FANCC: variants seen among roughly 807,000 people sequenced by gnomAD.
The protein encoded by FANCC is FA complementation group C, also known as Fanconi anemia group C protein.
Under a neutral mutation model 71.3 loss-of-function variants are expected in FANCC, and 55 were observed. That is an observed-to-expected ratio of 0.77 (90% CI 0.62 to 0.97). The LOEUF (loss-of-function observed/expected upper bound fraction) is 0.97. Ranked by LOEUF, FANCC falls within the 50% of genes least tolerant of loss-of-function variation. The pLI is 0.00. For missense variants in FANCC, 678 were observed against 670.9 expected, an observed-to-expected ratio of 1.01 and a Z score of -0.12; for synonymous variants, 275 against 244.9, an observed-to-expected ratio of 1.12 and a Z score of -1.15.
Position 95,159,677 on chromosome 9 carries a change from C to T in FANCC, c.522-9590G>A, listed in dbSNP as rs1187041980. ...GTGCAAAAGCATTCCTATTTCTCCA[C>T]ATCCTCTCCAGCACCTGTTGTTTCC... On this transcript the variant is annotated intron_variant, in intron 6 of 14. Transcript: ENST00000289081. 6.6e-5 allele frequency among the ~76,000 whole-genome samples: 10 copies of T among 152,312 alleles called. No homozygotes were observed. In the East Asian group the frequency reaches 1.9e-3, roughly 29 times the overall value.
chr9:95,292,675 G>A (rs1834117681), intron 1 of FANCC: 2 of 1,337,568 alleles, frequency 1.5e-6, no homozygotes, highest in African/African-American at 1.4e-5. Context: ...ATGCAGTATA[G>A]CACAGTCAAT....
rs1299656881 is a variant in FANCC at position 95,263,265 on chromosome 9, C to T, written c.-78-13896G>A. Among the ~76,000 whole-genome samples, 7 of 152,200 alleles carry T rather than the reference C, an allele frequency of 4.6e-5. No homozygotes were observed. The East Asian group carries it at 9.7e-4, about 21-fold the overall frequency. On this transcript the variant is annotated intron_variant, in intron 1 of 14. Transcript: ENST00000289081. ...AGGGCTGCACACACTGCTAGTTGCC[C>T]ACCCAGCAGCCCTAAGCTCTCCATT...
chr9:95,268,492 T>C (rs1832529013), intron 1 of FANCC, among the ~76,000 whole-genome samples: 2 of 152,242 alleles, frequency 1.3e-5, no homozygotes, highest in African/African-American at 4.8e-5. Flanking sequence ...TACATATTTA[T>C]TTCTTTCTGC....
chr9:95,308,866 C>G (rs776598034), intron 1 of FANCC, among the ~76,000 whole-genome samples: 7 of 152,070 alleles, frequency 4.6e-5, no homozygotes, highest in Non-Finnish European at 1.0e-4. Flanking sequence ...AGGGCAGGCA[C>G]AGTGTCTGCC....
intron 4 of FANCC, among the ~76,000 whole-genome samples, chr9:95,223,640 T>C (rs1829423261): frequency 6.6e-6 from 1 of 152,076 alleles, no homozygotes; most frequent in African/African-American, 2.4e-5. Flanking sequence ...ATATAATGAA[T>C]AGGTGAGGTT....
rs544922578 is a variant in FANCC at position 95,277,648 on chromosome 9, G to A, written c.-78-28279C>T. Among the ~76,000 whole-genome samples the A allele has an allele frequency of 2.0e-5, 3 of 152,224 alleles. No homozygotes were observed. The South Asian group carries it at 6.2e-4, about 32-fold the overall frequency. On this transcript the variant is annotated intron_variant, in intron 1 of 14. Coordinates refer to ENST00000289081, the MANE Select transcript of FANCC (RefSeq NM_000136.3). ...GAAAATGCTGAAAGTCAAGGACAAG[G>A]AGAAAGTCTTAAAAGCAGAAATAGA...
chr9:95,155,287 A>AGGGGAGGGG (rs1830401202), intron 6 of FANCC, among the ~76,000 whole-genome samples: 2 of 24,042 alleles, frequency 8.3e-5, no homozygotes, highest in African/African-American at 1.9e-4. Flanking sequence ...GAGGGGAAGG[A>AGGGGAGGGG]AGGGGACGGA....
At chr9:95,124,115 A>G (rs1825568464) in intron 10 of FANCC, among the ~76,000 whole-genome samples, 1 of 151,016 alleles carries the variant, frequency 6.6e-6, no homozygotes, top group African/African-American at 2.4e-5. Flanking sequence ...AAAAAAAAAA[A>G]AAAAAAAAAA....
At chr9:95,277,277 G>A (rs767743497) in intron 1 of FANCC, among the ~76,000 whole-genome samples, 6 of 152,104 alleles carry the variant, frequency 3.9e-5, no homozygotes, top group Non-Finnish European at 7.4e-5. Flanking sequence ...TTAAATGAGC[G>A]CTGGGTAGTG....
chr9:95,249,151 C>A lies in FANCC; in HGVS notation c.141G>T (p.Lys47Asn). The A allele has an allele frequency of 6.2e-7, 1 of 1,614,026 alleles. No individual in the cohort carries two copies. The highest frequency in any genetic ancestry group is 1.1e-5 in the South Asian group (1 of 91,078). ...CCATCTCTTTCAAGGCTTCATACAT[C>A]TTCCTTAGGAACTCCTGGAACTGAG... Reference protein sequence around the residue: ...HVAQFQEFLRKMYEALKEMDS... With the variant: ...HVAQFQEFLRNMYEALKEMDS... The change falls in exon 2 of 15, where the codon AAG becomes AAT. Residue 47 changes from lysine to asparagine, a missense_variant. Physicochemically the swap from Lys to Asn is moderately conservative, Grantham distance 94 (BLOSUM62 0). Coordinates refer to ENST00000289081, the MANE Select transcript of FANCC (RefSeq NM_000136.3).
At position 95,300,470 on chromosome 9, in the gene FANCC, T is replaced by TC. The variant is rs566298814; in HGVS notation, c.-79+17055dup. ...AAATACAATTTCTTTTTTTTTTTTT[T>TC]CAGACAGTCTCGCTCTGTCGCCCAG... On this transcript the variant is annotated intron_variant, in intron 1 of 14. Coordinates refer to ENST00000289081, the MANE Select transcript of FANCC (RefSeq NM_000136.3). Among the ~76,000 whole-genome samples, 16 of 151,908 alleles carry TC rather than the reference T, an allele frequency of 1.1e-4. No homozygotes were observed. The East Asian group carries it at 3.1e-3, about 29-fold the overall frequency.
At chr9:95,132,045 T>A (rs1036649550) in intron 8 of FANCC, among the ~76,000 whole-genome samples, 10 of 152,226 alleles carry the variant, frequency 6.6e-5, no homozygotes, top group African/African-American at 2.4e-4. Flanking sequence ...CATATTCTGA[T>A]ATCAAATCTT....
rs1834094760 is a variant in FANCC, at chr9:95,292,434, G to A, written c.-79+25092C>T. ...GGCCACGAGAGGAGCCTCCGCCGCC[G>A]CCTCGGGCCCGTGGGTGCCCCCGGG... is the stretch of plus-strand genomic sequence containing the variant. On this transcript the variant is annotated intron_variant, in intron 1 of 14. Coordinates refer to ENST00000289081, the MANE Select transcript of FANCC (RefSeq NM_000136.3). 7.9e-6 allele frequency: 9 copies of A among 1,134,376 alleles called. 1 individual carries two copies. The South Asian group carries it at 3.8e-4, about 48-fold the overall frequency. 70.3% of individuals were successfully genotyped at this position (1,134,376 alleles called of 1,614,324 possible). A position where few individuals can be genotyped will look rare whatever the true frequency, so the allele number is the denominator to read the frequency against.
rs1037911647 is a variant in FANCC at position 95,246,848 on chromosome 9, C to A, written c.250+584G>T. 3.3e-5 allele frequency among the ~76,000 whole-genome samples: 5 copies of A among 152,138 alleles called. No individual in the cohort carries two copies. The East Asian group carries it at 9.6e-4, about 29-fold the overall frequency. On this transcript the variant is annotated intron_variant, in intron 3 of 14. Coordinates refer to ENST00000289081, the MANE Select transcript of FANCC (RefSeq NM_000136.3). ...GTGAAAGATGAAACAGGAAATGAGA[C>A]TGGACAGCAGACAGGAGCTCAGTGA... is the stretch of plus-strand genomic sequence containing the variant.
chr9:95,113,226 C>A (rs1446969666), intron 12 of FANCC, among the ~76,000 whole-genome samples: 1 of 152,198 alleles, frequency 6.6e-6, no homozygotes, highest in Admixed American at 6.5e-5. Flanking sequence ...AAGGAGTGAG[C>A]AGCTGGCACC....
chr9:95,232,894 G>C (rs1208902196), intron 4 of FANCC, among the ~76,000 whole-genome samples: 1 of 152,160 alleles, frequency 6.6e-6, no homozygotes, highest in Non-Finnish European at 1.5e-5. Context: ...CTTAATTCAT[G>C]TTCATCAGGA....
intron 6 of FANCC, among the ~76,000 whole-genome samples, chr9:95,166,350 A>G (rs2135548500): frequency 6.6e-6 from 1 of 152,010 alleles, no homozygotes; most frequent in South Asian, 2.1e-4. Context: ...TCATAGTGAC[A>G]TGCTTTCCTT....
intron 4 of FANCC, among the ~76,000 whole-genome samples, chr9:95,188,769 G>A (rs1033263458): frequency 2.0e-5 from 3 of 151,928 alleles, no homozygotes; most frequent in African/African-American, 7.3e-5. Context: ...CACTCCTCCC[G>A]AACCCTGCCA....
In FANCC at chr9:95,149,837, T is replaced by G. The variant is rs1830041128; in HGVS notation, c.686+86A>C. ...TACTGAGACAAAAACGTTTGGACAC[T>G]GCTGTCGTACAGTCTTTCCAACACA... On this transcript the variant is annotated intron_variant, in intron 7 of 14. Coordinates refer to ENST00000289081, the MANE Select transcript of FANCC (RefSeq NM_000136.3). 3 of 1,441,150 alleles carry G rather than the reference T, an allele frequency of 2.1e-6. No homozygotes were observed. In the South Asian group the frequency reaches 3.7e-5, roughly 18 times the overall value. The allele number at this position is 1,441,150 out of a possible 1,614,324, so 89.3% of individuals were successfully genotyped here. A position where few individuals can be genotyped will look rare whatever the true frequency, so the allele number is the denominator to read the frequency against.
Sources: allele counts gnomAD v4.1 joint callset (sites outside exome capture counted in the v4.1 genomes callset), GRCh38; gene constraint gnomAD v4.1.1; transcripts MANE v1.5; gene names NCBI Gene and HGNC (gene_info 2026-07-23, HGNC 2026-07-21).